Variants in RASGEF1C observed in about 807,000 individuals in gnomAD.
RASGEF1C encodes the protein RasGEF domain family member 1C.
In RASGEF1C, 27 loss-of-function variants were observed where a neutral mutation model predicts 58.1. The ratio of observed to expected loss-of-function variants is 0.46; its 90% CI spans 0.34 to 0.64. The LOEUF is 0.64. RASGEF1C is among the 30% of genes least tolerant of loss of function. The pLI is 0.01. For missense variants in RASGEF1C, 502 were observed against 605.1 expected, an observed-to-expected ratio of 0.83 and a Z score of 1.79; for synonymous variants, 243 against 246.3, an observed-to-expected ratio of 0.99 and a Z score of 0.13.
At chr5:180,189,506 G>T (rs10077939) in intron 1 of RASGEF1C, among the ~76,000 whole-genome samples, 122,376 of 152,190 alleles carry the variant, frequency 0.8, 49,375 homozygotes, top group Non-Finnish European at 0.84. Context: ...AATGGAGTAA[G>T]GACATCAAGA....
chr5:180,133,730 G>T (rs1037260035), intron 4 of RASGEF1C, among the ~76,000 whole-genome samples: 3 of 152,224 alleles, frequency 2.0e-5, no homozygotes, highest in African/African-American at 7.2e-5. Flanking sequence ...GCAAAATATT[G>T]TTGGAGTTGG....
intron 1 of RASGEF1C, among the ~76,000 whole-genome samples, chr5:180,170,206 C>T (rs537479258): frequency 1.3e-4 from 20 of 152,236 alleles, no homozygotes; most frequent in African/African-American, 4.8e-4. Context: ...CCCCGGGATG[C>T]GGGAGGGGAC....
chr5:180,146,142 T>G (rs566068108), intron 1 of RASGEF1C, among the ~76,000 whole-genome samples: 1 of 152,262 alleles, frequency 6.6e-6, no homozygotes, highest in South Asian at 2.1e-4. Flanking sequence ...ATCATGAAGC[T>G]TTCCCCCAAT....
chr5:180,173,822 A>G (rs759422183), intron 1 of RASGEF1C, among the ~76,000 whole-genome samples: 1 of 151,968 alleles, frequency 6.6e-6, no homozygotes, highest in Non-Finnish European at 1.5e-5. Context: ...CTGAGGCAGG[A>G]GAATCGCTTG....
At chr5:180,189,759 T>C (rs1013373667) in intron 1 of RASGEF1C, among the ~76,000 whole-genome samples, 2 of 151,276 alleles carry the variant, frequency 1.3e-5, no homozygotes, top group African/African-American at 4.9e-5. Context: ...CCATCTCTAC[T>C]GAAAATACAA....
chr5:180,173,720 C>T (rs1027262387), intron 1 of RASGEF1C, among the ~76,000 whole-genome samples: 8 of 152,202 alleles, frequency 5.3e-5, no homozygotes, highest in South Asian at 2.1e-4. Flanking sequence ...TGAGACCAGC[C>T]TGGCCAACAT....
intron 6 of RASGEF1C, among the ~76,000 whole-genome samples, chr5:180,125,746 C>A (rs1350309823): frequency 1.3e-5 from 2 of 151,788 alleles, no homozygotes; most frequent in Non-Finnish European, 2.9e-5. Flanking sequence ...CGCACCACTG[C>A]ACTCCAGCCT....
chr5:180,149,305 CTCAATATCCTGACCT>C, intron 1 of RASGEF1C, among the ~76,000 whole-genome samples: 1 of 150,454 alleles, frequency 6.6e-6, no homozygotes, highest in Non-Finnish European at 1.5e-5. Flanking sequence ...CCAGGATGGT[CTCAATATCCTGACCT>C]CATGATCTGC....
chr5:180,112,273 C>A (rs911950533), intron 11 of RASGEF1C, among the ~76,000 whole-genome samples: 4 of 152,226 alleles, frequency 2.6e-5, no homozygotes, highest in African/African-American at 7.2e-5. Flanking sequence ...CCTGGGCTAA[C>A]CTAACAAACA....
chr5:180,133,462 C>T (rs531406700), intron 4 of RASGEF1C, among the ~76,000 whole-genome samples: 1 of 152,234 alleles, frequency 6.6e-6, no homozygotes, highest in South Asian at 2.1e-4. Flanking sequence ...GAATGATCAC[C>T]CTCCCTTTTA....
intron 1 of RASGEF1C, among the ~76,000 whole-genome samples, chr5:180,202,068 T>C (rs980410366): frequency 3.3e-5 from 5 of 151,726 alleles, no homozygotes; most frequent in Non-Finnish European, 7.4e-5. Context: ...AAAAGGTAAA[T>C]GTGAAATTAG....
intron 1 of RASGEF1C, among the ~76,000 whole-genome samples, chr5:180,173,675 G>A (rs536299086): frequency 6.6e-6 from 1 of 151,596 alleles, no homozygotes; most frequent in Non-Finnish European, 1.5e-5. Context: ...AGCACTTTGG[G>A]AGGCCAAGGT....
In RASGEF1C at chr5:180,140,181, G is replaced by GGGT. The variant is rs201197230; in HGVS notation, c.-6-2126_-6-2124dup. ...AGCGACTAGCTCTCGCTGGAGCCAGGGGTGGTGGTGGTTGCTGAACTATTG... is the reference window on the plus strand; with the variant it reads ...AGCGACTAGCTCTCGCTGGAGCCAGGGGTGGTGGTGGTGGTTGCTGAACTATTG... On this transcript the variant is annotated intron_variant, in intron 1 of 13. Coordinates refer to ENST00000361132, the MANE Select transcript of RASGEF1C (RefSeq NM_175062.4). Among the ~76,000 whole-genome samples the GGGT allele has an allele frequency of 3.9e-4, 60 of 152,314 alleles. No individual in the cohort carries two copies. The East Asian group carries it at 9.1e-3, about 23-fold the overall frequency.
At chr5:180,184,686 G>A (rs1299440377) in intron 1 of RASGEF1C, among the ~76,000 whole-genome samples, 2 of 152,174 alleles carry the variant, frequency 1.3e-5, no homozygotes, top group African/African-American at 4.8e-5. Flanking sequence ...TTTAAATACA[G>A]AGACATAAAT....
chr5:180,129,324 T>C (rs1766321784), intron 4 of RASGEF1C, among the ~76,000 whole-genome samples: 1 of 152,198 alleles, frequency 6.6e-6, no homozygotes, highest in Non-Finnish European at 1.5e-5. Context: ...GGGCGCCTTC[T>C]GCACCTGGCC....
intron 1 of RASGEF1C, among the ~76,000 whole-genome samples, chr5:180,205,594 C>A (rs564571101): frequency 6.6e-6 from 1 of 152,262 alleles, no homozygotes; most frequent in African/African-American, 2.4e-5. Flanking sequence ...GAAATCCTTG[C>A]AGTAAAAAGC....
chr5:180,150,822 G>A (rs981005357), intron 1 of RASGEF1C, among the ~76,000 whole-genome samples: 42 of 151,928 alleles, frequency 2.8e-4, no homozygotes, highest in Non-Finnish European at 5.1e-4. Flanking sequence ...AAACCCCATC[G>A]TCTCAGCCCA....
chr5:180,113,348 ATGGACTGAGGGATCCG>A (rs1766001370), intron 11 of RASGEF1C, among the ~76,000 whole-genome samples: 1 of 37,100 alleles, frequency 2.7e-5, no homozygotes, highest in African/African-American at 1.1e-4. Context: ...GGGACCGGGG[ATGGACTGAGGGATCCG>A]GGATGGACGG....
chr5:180,136,664 C>T (rs1766483010), intron 3 of RASGEF1C, 149 bp from the exon 4 acceptor site: 6 of 789,600 alleles, frequency 7.6e-6, no homozygotes, highest in Admixed American at 3.0e-5. Flanking sequence ...TGCGATCCTG[C>T]TCTGCGCCCA....
Sources: allele counts gnomAD v4.1 joint callset (sites outside exome capture counted in the v4.1 genomes callset), GRCh38; gene constraint gnomAD v4.1.1; transcripts MANE v1.5; gene names NCBI Gene and HGNC (gene_info 2026-07-23, HGNC 2026-07-21).